TLCD4: variants seen among roughly 807,000 people sequenced by gnomAD.
The protein encoded by TLCD4 is TLC domain containing 4.
TLCD4 carries 7 observed loss-of-function variants against 24.2 expected under a neutral mutation model. The ratio of observed to expected loss-of-function variants is 0.29; its 90% confidence interval spans 0.16 to 0.54. TLCD4 has a LOEUF of 0.54. TLCD4 is among the 20% of genes least tolerant of loss of function. The pLI is 0.95. For missense variants in TLCD4, 259 were observed against 313.9 expected, an observed-to-expected ratio of 0.82 and a Z score of 1.32; for synonymous variants, 103 against 106.4, an observed-to-expected ratio of 0.97 and a Z score of 0.20.
intron 1 of TLCD4, among the ~76,000 whole-genome samples, chr1:95,129,365 C>G (rs1051747852): frequency 4.6e-5 from 7 of 152,266 alleles, no homozygotes; most frequent in African/African-American, 1.7e-4. Context: ...TTTTAGTCGA[C>G]AGGGAGGAAC....
chr1:95,141,745 A>G (rs1416207020), intron 1 of TLCD4, among the ~76,000 whole-genome samples: 2 of 150,630 alleles, frequency 1.3e-5, no homozygotes. Flanking sequence ...CAGTAAAGTT[A>G]ATGGAGTCTC....
At chr1:95,118,707 C>A (rs1287158794) in intron 1 of TLCD4, among the ~76,000 whole-genome samples, 2 of 152,118 alleles carry the variant, frequency 1.3e-5, no homozygotes, top group Non-Finnish European at 2.9e-5. Flanking sequence ...CTTTGTGTAG[C>A]CGATTAAGGT....
chr1:95,185,804 C>T (rs967037885), intron 6 of TLCD4, among the ~76,000 whole-genome samples: 4 of 152,122 alleles, frequency 2.6e-5, no homozygotes, highest in Non-Finnish European at 5.9e-5. Context: ...GGTCAACAAT[C>T]AGGTGTTTGG....
At chr1:95,161,950 TGTG>T (rs1477812513) in intron 5 of TLCD4, among the ~76,000 whole-genome samples, 1 of 152,198 alleles carries the variant, frequency 6.6e-6, no homozygotes, top group Non-Finnish European at 1.5e-5. Context: ...AATAGTGCGA[TGTG>T]GTGCTGAGAA....
intron 5 of TLCD4, among the ~76,000 whole-genome samples, chr1:95,153,939 G>A (rs1677559867): frequency 6.6e-6 from 1 of 152,078 alleles, no homozygotes; most frequent in Non-Finnish European, 1.5e-5. Flanking sequence ...AAGAGAGGTA[G>A]GGGAGACTTC....
intron 5 of TLCD4, among the ~76,000 whole-genome samples, chr1:95,167,423 T>G (rs1314730643): frequency 6.6e-6 from 1 of 152,146 alleles, no homozygotes; most frequent in African/African-American, 2.4e-5. Flanking sequence ...CATTGGGATA[T>G]AGTGGTGGTA....
intron 1 of TLCD4, among the ~76,000 whole-genome samples, chr1:95,139,024 C>CAAA (rs1181312045): frequency 7.0e-5 from 4 of 56,854 alleles, no homozygotes; most frequent in Middle Eastern, 0.01. Flanking sequence ...CCAGTCTCTA[C>CAAA]AAAAAAAAAA....
At chr1:95,105,832 T>G in the TLCD4 span, among the ~76,000 whole-genome samples, 105 of 143,418 alleles carry the variant, frequency 7.3e-4, no homozygotes, top group African/African-American at 2.6e-3. Flanking sequence ...GAGGCGGAGT[T>G]TGCAGTGAGC....
the TLCD4 span, among the ~76,000 whole-genome samples, chr1:95,108,089 GTT>G: frequency 2.6e-5 from 4 of 151,950 alleles, no homozygotes; most frequent in African/African-American, 9.7e-5. Context: ...ATCTGTTCAT[GTT>G]TTCTAATTTT....
intron 5 of TLCD4, among the ~76,000 whole-genome samples, chr1:95,154,342 TCTC>T (rs527604977): frequency 6.2e-4 from 95 of 152,284 alleles, no homozygotes; most frequent in African/African-American, 2.2e-3. Flanking sequence ...CCCAGTCTAA[TCTC>T]CTTGTCAACA....
At chr1:95,173,646 C>T (rs1218767948) in intron 5 of TLCD4, among the ~76,000 whole-genome samples, 170 bp from the exon 6 acceptor site, 1 of 152,148 alleles carries the variant, frequency 6.6e-6, no homozygotes, top group Non-Finnish European at 1.5e-5. Flanking sequence ...AAGGATCTTT[C>T]TATATTCTCA....
intron 5 of TLCD4, among the ~76,000 whole-genome samples, chr1:95,159,167 CTGT>C (rs1294683063): frequency 3.3e-5 from 5 of 152,184 alleles, no homozygotes; most frequent in Middle Eastern, 3.2e-3. Context: ...TCTCCAGCAC[CTGT>C]TGTTTCCTGA....
At chr1:95,178,076 G>T (rs914792808) in intron 6 of TLCD4, among the ~76,000 whole-genome samples, 3 of 150,922 alleles carry the variant, frequency 2.0e-5, no homozygotes, top group African/African-American at 7.3e-5. Context: ...TCAGCTTCCC[G>T]AGTAGCTGGG....
chr1:95,170,157 G>A (rs1045823777), intron 5 of TLCD4, among the ~76,000 whole-genome samples: 1 of 151,990 alleles, frequency 6.6e-6, no homozygotes, highest in African/African-American at 2.4e-5. Flanking sequence ...AAAGAGAATT[G>A]TTAGGAAAAA....
At position 95,191,882 on chromosome 1, in the gene TLCD4, A is replaced by G; in HGVS notation, c.*14A>G. ...AAACTTGATTAAAAGAGTGCTACCG[A>G]TAAGCAAACTTCATTACTACCCAGC... is the stretch of plus-strand genomic sequence containing the variant. On this transcript the variant is annotated 3_prime_UTR_variant, in exon 7 of 7. Transcript: ENST00000370203. 1.9e-6 allele frequency: 3 copies of G among 1,605,868 alleles called. No individual in the cohort carries two copies. Among genetic ancestry groups the G allele is most frequent in the Non-Finnish European group, 1.7e-6 (2 of 1,176,132 alleles).
At chr1:95,109,905 G>T in the TLCD4 span, among the ~76,000 whole-genome samples, 1 of 116,060 alleles carries the variant, frequency 8.6e-6, no homozygotes, top group Non-Finnish European at 1.7e-5. Flanking sequence ...CACATAATGT[G>T]TGTATGCATA....
At chr1:95,171,222 G>C (rs1454188705) in intron 5 of TLCD4, among the ~76,000 whole-genome samples, 2 of 152,130 alleles carry the variant, frequency 1.3e-5, no homozygotes, top group African/African-American at 4.8e-5. Context: ...AGTGTGCTGG[G>C]ATTACTTTTG....
chr1:95,189,692 G>A (rs11165337), intron 6 of TLCD4, among the ~76,000 whole-genome samples: 1 of 152,122 alleles, frequency 6.6e-6, no homozygotes, highest in East Asian at 1.9e-4. Context: ...TAGCACTTTA[G>A]ATTCATTCTT....
the TLCD4 span, among the ~76,000 whole-genome samples, chr1:95,109,099 G>T: frequency 1.3e-5 from 2 of 152,120 alleles, no homozygotes; most frequent in African/African-American, 2.4e-5. Context: ...AGGCTGAGGT[G>T]GGCAGATAGC....
Sources: gnomAD v4.1 joint callset for allele counts (sites outside exome capture counted in the v4.1 genomes callset) on GRCh38, gnomAD v4.1.1 for gene constraint, MANE v1.5 for transcripts, NCBI Gene and HGNC (gene_info 2026-07-23, HGNC 2026-07-21) for gene names.